Variants in PTPRK observed in about 807,000 individuals in gnomAD.
PTPRK encodes the protein receptor-type tyrosine-protein phosphatase kappa.
In PTPRK, 75 loss-of-function variants were observed where a neutral mutation model predicts 178.0. The ratio of observed to expected loss-of-function variants is 0.42; its 90% CI spans 0.35 to 0.51. PTPRK has a LOEUF of 0.51. Ranked by LOEUF, PTPRK falls within the 20% of genes least tolerant of loss-of-function variation. The pLI is 0.02. For missense variants in PTPRK, 1,441 were observed against 1,797.8 expected, an observed-to-expected ratio of 0.80 and a Z score of 3.59; for synonymous variants, 637 against 620.6, an observed-to-expected ratio of 1.03 and a Z score of -0.39.
In PTPRK at chr6:128,100,137, T is replaced by G. The variant is rs1033048700; in HGVS notation, c.1163-10145A>C. The stretch of plus-strand genomic sequence containing the variant: ...AATGTGACAAAAAGAATTACAAAAC[T>G]GCAAATAAACCTGCCTTAGACTATA... On this transcript the variant is annotated intron_variant, in intron 7 of 29. Transcript: ENST00000368226. Among the ~76,000 whole-genome samples the G allele has an allele frequency of 9.2e-5, 14 of 151,988 alleles. 1 individual carries two copies. Among genetic ancestry groups the G allele is most frequent in the Admixed American group, 3.9e-4 (6 of 15,240 alleles).
chr6:128,393,471 T>C (rs1395839084), intron 2 of PTPRK, among the ~76,000 whole-genome samples: 1 of 152,132 alleles, frequency 6.6e-6, no homozygotes, highest in East Asian at 1.9e-4. Flanking sequence ...AAGTAGTACA[T>C]AGTACAGTGG....
chr6:128,344,606 C>T (rs1832152595), intron 2 of PTPRK, among the ~76,000 whole-genome samples: 1 of 152,050 alleles, frequency 6.6e-6, no homozygotes, highest in African/African-American at 2.4e-5. Context: ...GCCCTGACCT[C>T]CCAGGTTCAG....
rs1554260290 is a variant in PTPRK at position 127,987,244 on chromosome 6, A to AAC, written c.3097-1370_3097-1369insGT. ...TTTCAAATATGTGGTTAAAAAAACA[A>AAC]CCCCCCCCATTTTCTTGTTCTAAAT... On this transcript the variant is annotated intron_variant, in intron 21 of 29. Transcript: ENST00000368226. Among the ~76,000 whole-genome samples the AAC allele has an allele frequency of 1.2e-3, 175 of 146,682 alleles. 1 individual carries two copies. The highest frequency in any genetic ancestry group is 4.2e-3 in the African/African-American group (166 of 39,324).
chr6:128,461,942 C>T (rs1002785035), intron 1 of PTPRK, among the ~76,000 whole-genome samples: 1 of 152,198 alleles, frequency 6.6e-6, no homozygotes, highest in Non-Finnish European at 1.5e-5. Flanking sequence ...CTAACATTTT[C>T]ATATTACATC....
At chr6:128,431,099 C>G (rs900921165) in intron 1 of PTPRK, among the ~76,000 whole-genome samples, 3 of 151,792 alleles carry the variant, frequency 2.0e-5, no homozygotes, top group Non-Finnish European at 4.4e-5. Flanking sequence ...CCACCATGCC[C>G]GGCTAATTTT....
intron 2 of PTPRK, among the ~76,000 whole-genome samples, chr6:128,352,145 T>A (rs1354588349): frequency 6.8e-6 from 1 of 146,426 alleles, no homozygotes; most frequent in South Asian, 2.1e-4. Flanking sequence ...TCCCAGCTAC[T>A]AAGGAGGCTG....
At chr6:128,430,175 G>C (rs1414184504) in intron 1 of PTPRK, among the ~76,000 whole-genome samples, 1 of 152,036 alleles carries the variant, frequency 6.6e-6, no homozygotes, top group Non-Finnish European at 1.5e-5. Context: ...AGAAAGAAAC[G>C]GCTCTAAAAC....
chr6:128,005,167 C>T lies in PTPRK; in HGVS notation c.2411G>A (p.Arg804Gln), dbSNP rs138044811. The T allele has an allele frequency of 3.1e-6, 5 of 1,611,564 alleles. No homozygotes were observed. The highest frequency in any genetic ancestry group is 4.2e-6 in the Non-Finnish European group (5 of 1,178,610). Residue 804 changes from arginine to glutamine, a missense_variant, in exon 15 of 30, where the codon CGA becomes CAA. Physicochemically the swap from Arg to Gln is conservative, Grantham distance 43. Coordinates refer to ENST00000368226, the MANE Select transcript of PTPRK (RefSeq NM_002844.4). Reference sequence around the variant, plus strand: ...CAGAGTGCTCTGATCAGCATAACTTCGATCCATTGCATTCACCATGTGAGT... The same window carrying T: ...CAGAGTGCTCTGATCAGCATAACTTTGATCCATTGCATTCACCATGTGAGT... The part of the protein sequence containing the change: ...EMTHMVNAMD[R>Q]SYADQSTLHA...
intron 2 of PTPRK, among the ~76,000 whole-genome samples, chr6:128,329,134 T>C (rs1020961571): frequency 1.3e-5 from 2 of 152,194 alleles, no homozygotes; most frequent in Admixed American, 6.5e-5. Flanking sequence ...TATTTTAATA[T>C]ACATAAATCT....
At chr6:128,105,187 G>A (rs1789494301) in intron 7 of PTPRK, among the ~76,000 whole-genome samples, 1 of 149,640 alleles carries the variant, frequency 6.7e-6, no homozygotes, top group African/African-American at 2.5e-5. Flanking sequence ...AGGCTGGAGT[G>A]CAGTGGCACG....
chr6:128,513,959 C>T (rs1454754684), intron 1 of PTPRK, among the ~76,000 whole-genome samples: 1 of 152,162 alleles, frequency 6.6e-6, no homozygotes, highest in Non-Finnish European at 1.5e-5. Flanking sequence ...CATCAAGGAA[C>T]TGTTGCCAGT....
chr6:128,069,518 T>G (rs1055281718), intron 11 of PTPRK, among the ~76,000 whole-genome samples: 1 of 152,180 alleles, frequency 6.6e-6, no homozygotes, highest in African/African-American at 2.4e-5. Context: ...ATGTTTTATT[T>G]TAAATTTATA....
chr6:128,213,316 G>C (rs1808581823), intron 6 of PTPRK, among the ~76,000 whole-genome samples: 1 of 151,898 alleles, frequency 6.6e-6, no homozygotes, highest in South Asian at 2.1e-4. Flanking sequence ...TCATACTCAA[G>C]GGGAGCAAAG....
intron 7 of PTPRK, among the ~76,000 whole-genome samples, chr6:128,131,310 A>G (rs1035128501): frequency 8.5e-5 from 13 of 152,294 alleles, no homozygotes; most frequent in African/African-American, 3.1e-4. Flanking sequence ...CTCTGGTAGC[A>G]AAAAACATGG....
chr6:128,465,903 T>G (rs1487332524), intron 1 of PTPRK, among the ~76,000 whole-genome samples: 12 of 152,038 alleles, frequency 7.9e-5, no homozygotes, highest in African/African-American at 2.4e-4. Context: ...GAGCAGAGGG[T>G]CCAAGCCTCA....
intron 2 of PTPRK, among the ~76,000 whole-genome samples, chr6:128,366,957 T>C (rs1401456535): frequency 1.3e-5 from 2 of 152,138 alleles, no homozygotes; most frequent in African/African-American, 4.8e-5. Flanking sequence ...CGTTAGAAGA[T>C]AGATATCTTC....
intron 2 of PTPRK, among the ~76,000 whole-genome samples, chr6:128,340,326 A>G (rs1333470281): frequency 6.6e-6 from 1 of 152,146 alleles, no homozygotes; most frequent in Non-Finnish European, 1.5e-5. Context: ...GGGCTTCAAG[A>G]CTTTCTCTGT....
chr6:128,358,210 T>C (rs1215782129), intron 2 of PTPRK, among the ~76,000 whole-genome samples: 3 of 152,210 alleles, frequency 2.0e-5, no homozygotes, highest in Admixed American at 1.3e-4. Context: ...TGACTTATAA[T>C]AACCACAATT....
intron 11 of PTPRK, among the ~76,000 whole-genome samples, chr6:128,072,145 C>T (rs1782938361): frequency 6.6e-6 from 1 of 151,952 alleles, no homozygotes; most frequent in Admixed American, 6.6e-5. Flanking sequence ...ATATATTCCC[C>T]ATTCCTTTTA....
Sources: allele counts gnomAD v4.1 joint callset (sites outside exome capture counted in the v4.1 genomes callset), GRCh38; gene constraint gnomAD v4.1.1; transcripts MANE v1.5; gene names NCBI Gene and HGNC (gene_info 2026-07-23, HGNC 2026-07-21).